GCNT2: variants seen among roughly 807,000 people sequenced by gnomAD.
GCNT2 encodes glucosaminyl (N-acetyl) transferase 2 (I blood group).
Under a neutral mutation model 34.2 loss-of-function variants are expected in GCNT2, and 34 were observed. The ratio of observed to expected loss-of-function variants is 1.00; its 90% CI spans 0.76 to 1.32. The LOEUF is 1.32. Among genes scored for constraint, GCNT2 ranks in the 40% most tolerant of loss-of-function variants. GCNT2 has a pLI of 0.00. For missense variants in GCNT2, 584 were observed against 489.4 expected (o/e 1.19, Z -1.82); for synonymous variants, 212 against 188.0 (o/e 1.13, Z -1.04).
chr6:10,614,519 G>A (rs1227255487), intron 3 of GCNT2, among the ~76,000 whole-genome samples: 4 of 151,746 alleles, frequency 2.6e-5, no homozygotes, highest in Non-Finnish European at 5.9e-5. Context: ...CCAGCTACTT[G>A]GAAGGCTGAA....
intron 3 of GCNT2, among the ~76,000 whole-genome samples, chr6:10,583,142 G>A (rs749774246): frequency 6.6e-6 from 1 of 152,114 alleles, no homozygotes; most frequent in African/African-American, 2.4e-5. Context: ...TAAAAATAAC[G>A]GGGTTGTGAT....
At position 10,559,204 on chromosome 6, in the gene GCNT2, T is replaced by A. The variant is rs531162321; in HGVS notation, c.925+29368T>A. Among the ~76,000 whole-genome samples the A allele has an allele frequency of 1.2e-4, 18 of 152,190 alleles. No homozygotes were observed. The East Asian group carries it at 3.5e-3, about 29-fold the overall frequency. On this transcript the variant is annotated intron_variant, in intron 3 of 4. Coordinates refer to ENST00000495262, the MANE Select transcript of GCNT2 (RefSeq NM_145649.5). ...ATAAGAAAATCAAGGGAAAAAGAAT[T>A]CCCCTTTTTTCCTTACCCCTTTCTG...
intron 3 of GCNT2, among the ~76,000 whole-genome samples, chr6:10,541,995 C>G (rs1362509170): frequency 6.6e-6 from 1 of 152,082 alleles, no homozygotes; most frequent in Non-Finnish European, 1.5e-5. Context: ...TATATCTTTG[C>G]GAGCCTCAAC....
At chr6:10,530,545 A>G (rs1234320478) in intron 3 of GCNT2, among the ~76,000 whole-genome samples, 1 of 151,928 alleles carries the variant, frequency 6.6e-6, no homozygotes, top group East Asian at 1.9e-4. Flanking sequence ...CAAATTTTTT[A>G]TTTGCAAGCT....
At chr6:10,569,217 T>C (rs1561806797) in intron 3 of GCNT2, among the ~76,000 whole-genome samples, 2 of 49,842 alleles carry the variant, frequency 4.0e-5, no homozygotes, top group Admixed American at 2.6e-4. Context: ...CATCACCCCC[T>C]GCCACCCACT....
At chr6:10,525,026 T>A (rs1172990560) in intron 1 of GCNT2, among the ~76,000 whole-genome samples, 3 of 151,950 alleles carry the variant, frequency 2.0e-5, no homozygotes, top group Non-Finnish European at 4.4e-5. Flanking sequence ...CATGGTAAAA[T>A]GAATATGTGA....
intron 3 of GCNT2, among the ~76,000 whole-genome samples, chr6:10,550,500 A>G (rs1762437697): frequency 6.6e-6 from 1 of 151,910 alleles, no homozygotes; most frequent in South Asian, 2.1e-4. Flanking sequence ...AATTATTATT[A>G]TTATTATTGA....
At chr6:10,614,366 G>C (rs1249394093) in intron 3 of GCNT2, among the ~76,000 whole-genome samples, 1 of 152,102 alleles carries the variant, frequency 6.6e-6, no homozygotes, top group Admixed American at 6.5e-5. Context: ...GTGGCTCACG[G>C]CTGTAATCCC....
intron 3 of GCNT2, chr6:10,557,406 C>T: frequency 1.6e-6 from 2 of 1,269,088 alleles, no homozygotes; most frequent in Non-Finnish European, 1.1e-6. Flanking sequence ...TTTAGAATAA[C>T]CAGCCACTTT....
intron 3 of GCNT2, among the ~76,000 whole-genome samples, chr6:10,582,337 A>G (rs1465545810): frequency 1.8e-5 from 2 of 109,738 alleles, no homozygotes; most frequent in Non-Finnish European, 3.2e-5. Context: ...AATATATACT[A>G]TATAATATAT....
At chr6:10,585,412 G>C (rs750609237) in intron 3 of GCNT2, among the ~76,000 whole-genome samples, 5 of 152,130 alleles carry the variant, frequency 3.3e-5, no homozygotes, top group Non-Finnish European at 7.3e-5. Flanking sequence ...AATGAAAAGA[G>C]GTGGCAGAGA....
intron 3 of GCNT2, among the ~76,000 whole-genome samples, chr6:10,558,163 A>T (rs1243552002): frequency 6.6e-6 from 1 of 152,144 alleles, no homozygotes; most frequent in Non-Finnish European, 1.5e-5. Context: ...ACCTATTTGC[A>T]TGGGTTTGTT....
At chr6:10,582,095 T>C (rs187211891) in intron 3 of GCNT2, among the ~76,000 whole-genome samples, 1,933 of 143,326 alleles carry the variant, frequency 0.013, 45 homozygotes, top group African/African-American at 0.046. Flanking sequence ...TACAAAAATA[T>C]ATCTCTTAAA....
chr6:10,614,819 G>A (rs996628731), intron 3 of GCNT2, among the ~76,000 whole-genome samples: 2 of 152,080 alleles, frequency 1.3e-5, no homozygotes, highest in African/African-American at 4.8e-5. Flanking sequence ...AGTCAATGGG[G>A]CCACCCTTGC....
chr6:10,575,978 C>A (rs555811443), intron 3 of GCNT2, among the ~76,000 whole-genome samples: 1 of 152,302 alleles, frequency 6.6e-6, no homozygotes, highest in South Asian at 2.1e-4. Flanking sequence ...CTCAGCCCGC[C>A]TGCACCCAGG....
intron 3 of GCNT2, among the ~76,000 whole-genome samples, chr6:10,571,339 GATA>G (rs2127396542): frequency 6.7e-6 from 1 of 148,532 alleles, no homozygotes; most frequent in Middle Eastern, 3.5e-3. Flanking sequence ...TGATGATCAT[GATA>G]ATTATTATTA....
At chr6:10,534,322 A>G (rs1383400683) in intron 3 of GCNT2, among the ~76,000 whole-genome samples, 1 of 151,618 alleles carries the variant, frequency 6.6e-6, no homozygotes, top group Non-Finnish European at 1.5e-5. Context: ...TTGCATTTTT[A>G]GTAGAGACGG....
At position 10,582,043 on chromosome 6, in the gene GCNT2, T is replaced by TATATTTAA. The variant is rs1554133503; in HGVS notation, c.926-39306_926-39299dup. 3.9e-4 allele frequency: 70 copies of TATATTTAA among 181,142 alleles called. 2 individuals carry two copies. In the South Asian group the frequency reaches 0.011, roughly 28 times the overall value. The allele number at this position is 181,142 out of a possible 1,614,324, so 11.2% of individuals were successfully genotyped here. A position where few individuals can be genotyped will look rare whatever the true frequency, so the allele number is the denominator to read the frequency against. ...GTATATATCATATGTATTATATGTA[T>TATATTTAA]ATATTTAAAAATACACATGTAATAT... On this transcript the variant is annotated intron_variant, in intron 3 of 4. Transcript: ENST00000495262.
rs1159947493 is a variant in GCNT2, at chr6:10,530,538, ATTT to A, written c.925+706_925+708del. 6.6e-4 allele frequency among the ~76,000 whole-genome samples: 100 copies of A among 152,126 alleles called. 3 individuals are homozygous for A. Among genetic ancestry groups the A allele is most frequent in the Admixed American group, 6.5e-3 (100 of 15,270 alleles). ...AATGGGAGCAAGATACAACTTTCAAATTTTTTATTTGCAAGCTCTTTTCTGGTC... is the reference window on the plus strand; with the variant it reads ...AATGGGAGCAAGATACAACTTTCAAATTTATTTGCAAGCTCTTTTCTGGTC... On this transcript the variant is annotated intron_variant, in intron 3 of 4. Transcript: ENST00000495262.
Sources: allele counts gnomAD v4.1 joint callset (sites outside exome capture counted in the v4.1 genomes callset), GRCh38; gene constraint gnomAD v4.1.1; transcripts MANE v1.5; gene names NCBI Gene and HGNC (gene_info 2026-07-23, HGNC 2026-07-21).